LINC00632: variants seen among roughly 807,000 people sequenced by gnomAD.
LINC00632 encodes long independently transcribed non-coding RNA 632.
intron 3 of LINC00632, among the ~76,000 whole-genome samples, chrX:140,738,166 T>C (rs1295546417): frequency 9.0e-6 from 1 of 111,573 alleles, no homozygotes; most frequent in East Asian, 2.8e-4. Context: ...ATGTTGAGAA[T>C]AGATGGAAAA....
intron 3 of LINC00632, among the ~76,000 whole-genome samples, chrX:140,739,249 C>T (rs1160709455): frequency 9.1e-6 from 1 of 109,738 alleles, no homozygotes; most frequent in Non-Finnish European, 1.9e-5. Flanking sequence ...GATGGAGTTT[C>T]GCTCTTGTTG....
intron 3 of LINC00632, among the ~76,000 whole-genome samples, chrX:140,752,541 C>CT (rs1931425941): frequency 8.9e-6 from 1 of 111,993 alleles, no homozygotes; most frequent in African/African-American, 3.2e-5. Flanking sequence ...CTGTTTTTCA[C>CT]TTTTTTTGTA....
chrX:140,764,299 G>T (rs1931646322), intron 3 of LINC00632, among the ~76,000 whole-genome samples: 1 of 96,298 alleles, frequency 1.0e-5, no homozygotes, highest in African/African-American at 3.8e-5. Flanking sequence ...CCCTTGGAGG[G>T]TCTCTTACCG....
intron 3 of LINC00632, among the ~76,000 whole-genome samples, chrX:140,754,470 C>A (rs1278584514): frequency 1.8e-5 from 2 of 111,960 alleles, no homozygotes; most frequent in African/African-American, 6.5e-5. Flanking sequence ...AAAACTGTTT[C>A]TCTCTTCAGT....
chrX:140,783,980 A>T (rs1416014907), exon 5 of LINC00632: 2 of 1,210,995 alleles, frequency 1.7e-6, no homozygotes, highest in South Asian at 1.8e-5. Context: ...GGTCTTCCAG[A>T]CTATCCATGT....
exon 5 of LINC00632, among the ~76,000 whole-genome samples, chrX:140,789,769 A>G (rs1050115698): frequency 9.0e-6 from 1 of 111,516 alleles, no homozygotes; most frequent in Non-Finnish European, 1.9e-5. Flanking sequence ...GCTTGTTTGT[A>G]TCCTTTACCT....
chrX:140,724,403 T>A (rs1930866313), intron 2 of LINC00632, among the ~76,000 whole-genome samples: 1 of 79,083 alleles, frequency 1.3e-5, no homozygotes, highest in African/African-American at 4.8e-5. Context: ...ACAAACACAT[T>A]CCATACACAT....
At chrX:140,768,809 GTATATATATTTGTATATATTA>G (rs1407767193) in intron 3 of LINC00632, among the ~76,000 whole-genome samples, 7 of 99,775 alleles carry the variant, frequency 7.0e-5, no homozygotes, top group Non-Finnish European at 1.2e-4. Context: ...TAGTGTATAA[GTATATATATTTGTATATATTA>G]TATATATATT....
chrX:140,718,181 T>C (rs2148377303), intron 2 of LINC00632, among the ~76,000 whole-genome samples: 1 of 110,677 alleles, frequency 9.0e-6, no homozygotes, highest in African/African-American at 3.3e-5. Context: ...CTATAAAGTG[T>C]TTAGAGCAAT....
At chrX:140,734,928 A>T (rs1931119222) in intron 3 of LINC00632, among the ~76,000 whole-genome samples, 1 of 108,268 alleles carries the variant, frequency 9.2e-6, no homozygotes, top group South Asian at 4.1e-4. Flanking sequence ...CGCCCGGCTA[A>T]TTTTTTTTGT....
exon 5 of LINC00632, among the ~76,000 whole-genome samples, chrX:140,787,013 G>C (rs1261418036): frequency 2.7e-5 from 3 of 111,249 alleles, no homozygotes; most frequent in Non-Finnish European, 3.8e-5. Context: ...CATTATGTAT[G>C]ATTTTATTTT....
chrX:140,711,049 A>C (rs1486517581), intron 1 of LINC00632, among the ~76,000 whole-genome samples: 1 of 111,479 alleles, frequency 9.0e-6, no homozygotes, highest in African/African-American at 3.3e-5. Flanking sequence ...TAATGCTATA[A>C]TCTTTCTGTA....
intron 3 of LINC00632, chrX:140,772,068 T>TG (rs1931808475): frequency 3.5e-6 from 1 of 288,785 alleles, no homozygotes; most frequent in African/African-American, 2.8e-5. Flanking sequence ...TTATGTTTGC[T>TG]TTTTCCTAGA....
intron 3 of LINC00632, among the ~76,000 whole-genome samples, chrX:140,753,957 G>A (rs1049910382): frequency 1.8e-4 from 20 of 109,929 alleles, no homozygotes; most frequent in African/African-American, 6.3e-4. Flanking sequence ...TGTATTTTTA[G>A]TAGAGATGGG....
chrX:140,767,375 C>T (rs1050468084), intron 3 of LINC00632, among the ~76,000 whole-genome samples: 4 of 111,597 alleles, frequency 3.6e-5, no homozygotes, highest in African/African-American at 1.3e-4. Context: ...GTGTTATTTA[C>T]CTATTATTTT....
chrX:140,728,476 A>G (rs1381721957), intron 2 of LINC00632, among the ~76,000 whole-genome samples: 1 of 109,368 alleles, frequency 9.1e-6, no homozygotes, highest in African/African-American at 3.3e-5. Flanking sequence ...GAATTACCCC[A>G]GGACTCACAG....
exon 5 of LINC00632, among the ~76,000 whole-genome samples, chrX:140,789,123 CTCA>C: frequency 9.2e-6 from 1 of 108,233 alleles, no homozygotes; most frequent in Non-Finnish European, 1.9e-5. Flanking sequence ...TGAATGTATT[CTCA>C]TGTGTTTTAG....
In LINC00632 at chrX:140,739,824, TA is replaced by T. The variant is rs1037897960; in HGVS notation, n.191+5869del. ...TGATTTCAGTAATATGAAGTGTGAT[TA>T]AAAAAAAATATGCATCCTAGAATTG... On this transcript the variant is annotated intron_variant and non_coding_transcript_variant, in intron 3 of 4. Coordinates refer to ENST00000648200, the Ensembl canonical transcript of LINC00632. 3.0e-4 allele frequency among the ~76,000 whole-genome samples: 33 copies of T among 109,471 alleles called. No individual in the cohort carries two copies. In the East Asian group the frequency reaches 3.1e-3, roughly 10 times the overall value.
At chrX:140,728,859 C>T (rs1172978206) in intron 2 of LINC00632, among the ~76,000 whole-genome samples, 1 of 111,311 alleles carries the variant, frequency 9.0e-6, no homozygotes, top group East Asian at 2.8e-4. Flanking sequence ...TCTCCTAGAA[C>T]ACACAGAATC....
Sources: gnomAD v4.1 joint callset for allele counts (sites outside exome capture counted in the v4.1 genomes callset) on GRCh38, gnomAD v4.1.1 for gene constraint, MANE v1.5 for transcripts, NCBI Gene and HGNC (gene_info 2026-07-23, HGNC 2026-07-21) for gene names.